Variants in CWC22 observed in about 807,000 individuals in gnomAD.
The protein encoded by CWC22 is pre-mRNA-splicing factor CWC22 homolog.
In CWC22, 53 loss-of-function variants were observed where a neutral mutation model predicts 117.2. That is an observed-to-expected ratio of 0.45 (90% CI 0.36 to 0.57). The LOEUF (loss-of-function observed/expected upper bound fraction) is 0.57. CWC22 is among the 20% of genes least tolerant of loss of function. The pLI is 0.00. For missense variants in CWC22, 980 were observed against 1,068.8 expected (o/e 0.92, Z 1.16); for synonymous variants, 360 against 355.6 (o/e 1.01, Z -0.14).
chr2:179,994,414 A>G (rs1203168511), intron 1 of CWC22, among the ~76,000 whole-genome samples: 1 of 152,186 alleles, frequency 6.6e-6, no homozygotes, highest in African/African-American at 2.4e-5. Context: ...TATTTCAATT[A>G]TAATTATAAT....
At chr2:179,997,778 G>A (rs939556442) in intron 1 of CWC22, among the ~76,000 whole-genome samples, 2 of 152,098 alleles carry the variant, frequency 1.3e-5, no homozygotes, top group African/African-American at 4.8e-5. Context: ...ATGAACTACC[G>A]TAACAAAATC....
intron 13 of CWC22, among the ~76,000 whole-genome samples, chr2:179,963,374 G>C (rs1226031426): frequency 9.4e-6 from 1 of 106,398 alleles, no homozygotes; most frequent in Admixed American, 1.6e-4. Flanking sequence ...ACGGAGTCTC[G>C]CTCTGTCGCC....
Position 179,964,591 on chromosome 2 carries a change from G to C in CWC22, c.1353C>G (p.Asn451Lys). ...AAATTGTACGACGAAATGAGACCAG[G>C]TTAATTTCTGTTTTGTCATGAATAG... ...KVTIHDKTEI[N>K]LVSFRRTIYL... The change falls in exon 13 of 20, where the codon AAC becomes AAG. Residue 451 changes from asparagine to lysine, a missense_variant. By Grantham distance (94) the Asn-to-Lys change is moderately conservative. Coordinates refer to ENST00000410053, the MANE Select transcript of CWC22 (RefSeq NM_020943.3). 1.9e-6 allele frequency: 3 copies of C among 1,566,030 alleles called. No homozygotes were observed. The highest frequency in any genetic ancestry group is 1.2e-5 in the South Asian group (1 of 84,968).
chr2:179,952,483 C>T lies in CWC22; in HGVS notation c.1805G>A (p.Arg602Lys), dbSNP rs748110900. 2 of 1,557,782 alleles carry T rather than the reference C, an allele frequency of 1.3e-6. No homozygotes were observed. Among genetic ancestry groups the T allele is most frequent in the African/African-American group, 1.4e-5 (1 of 72,848 alleles). ...EYMGLPKLNA[R>K]LKDETLQPFF... ...ATGGCAAACTTACTCATCCTTTAAT[C>T]TTGCATTAAGTTTAGGAAGACCCAT... Residue 602 changes from arginine to lysine, a missense_variant, in exon 17 of 20, where the codon AGA becomes AAA. By Grantham distance (26) the Arg-to-Lys change is conservative. Around this residue, in one of 3 missense-constraint regions of CWC22, gnomAD observed 115 missense variants for 169.8 expected, o/e 0.68. Coordinates refer to ENST00000410053, the MANE Select transcript of CWC22 (RefSeq NM_020943.3).
intron 1 of CWC22, among the ~76,000 whole-genome samples, chr2:180,000,172 G>GAT (rs1454223909): frequency 1.3e-5 from 2 of 152,252 alleles, no homozygotes; most frequent in Admixed American, 6.5e-5. Flanking sequence ...ATTGCCTCAT[G>GAT]ATATACCTCA....
At position 179,986,704 on chromosome 2, in the gene CWC22, A is replaced by G; in HGVS notation, c.197T>C (p.Met66Thr). Reference protein sequence around the residue: ...SRRGRSYDSSMESRNRDREKR... With the variant: ...SRRGRSYDSSTESRNRDREKR... The stretch of plus-strand genomic sequence containing the variant: ...AATTCCCAACACTAACCGTGACTCC[A>G]TGCTACTATCATAAGAACGTCCTCT... The change falls in exon 4 of 20, where the codon ATG (methionine) becomes ACG (threonine). Residue 66 changes from methionine (M) to threonine (T), a missense_variant. By Grantham distance (81) the Met-to-Thr change is moderately conservative. Around this residue, in one of 3 missense-constraint regions of CWC22, gnomAD observed 559 missense variants for 602.3 expected, o/e 0.93. Coordinates refer to ENST00000410053, the MANE Select transcript of CWC22 (RefSeq NM_020943.3). The G allele has an allele frequency of 6.3e-7, 1 of 1,576,664 alleles. No homozygotes were observed. Among genetic ancestry groups the G allele is most frequent in the East Asian group, 2.2e-5 (1 of 44,568 alleles).
chr2:180,002,054 T>G (rs1194518026), intron 1 of CWC22, among the ~76,000 whole-genome samples: 3 of 152,172 alleles, frequency 2.0e-5, no homozygotes, highest in African/African-American at 7.2e-5. Context: ...GAAAACAACT[T>G]TTTACTCCAG....
At chr2:180,000,703 A>G (rs2105564873) in intron 1 of CWC22, among the ~76,000 whole-genome samples, 1 of 152,332 alleles carries the variant, frequency 6.6e-6, no homozygotes, top group East Asian at 1.9e-4. Context: ...ACAGTTCTGG[A>G]CATTGTTTTC....
chr2:179,976,166 C>T (rs1687148053), intron 6 of CWC22, among the ~76,000 whole-genome samples: 1 of 152,126 alleles, frequency 6.6e-6, no homozygotes, highest in Non-Finnish European at 1.5e-5. Context: ...ACAGTGTCTT[C>T]AATAAATGGT....
chr2:179,973,928 GGAAA>G (rs1404783480), intron 6 of CWC22, 126 bp from the exon 7 acceptor site: 3 of 466,430 alleles, frequency 6.4e-6, no homozygotes, highest in East Asian at 3.5e-5. Flanking sequence ...AGAACTAACT[GGAAA>G]GAGTTTGTCT....
chr2:179,951,236 A>G (rs983719462), intron 17 of CWC22, among the ~76,000 whole-genome samples: 9 of 152,038 alleles, frequency 5.9e-5, no homozygotes, highest in Non-Finnish European at 1.2e-4. Context: ...TATATAGTGT[A>G]TATATATACA....
chr2:180,002,375 A>T (rs1351496503), intron 1 of CWC22, among the ~76,000 whole-genome samples: 1 of 152,196 alleles, frequency 6.6e-6, no homozygotes, highest in African/African-American at 2.4e-5. Flanking sequence ...GCCATAATTG[A>T]TATTTATATT....
intron 1 of CWC22, among the ~76,000 whole-genome samples, chr2:179,999,320 A>G (rs1687788038): frequency 1.3e-5 from 2 of 152,134 alleles, no homozygotes; most frequent in Non-Finnish European, 2.9e-5. Flanking sequence ...TTTATGGTGA[A>G]TTATTAAATT....
chr2:179,974,053 T>C (rs1395076447), intron 6 of CWC22, among the ~76,000 whole-genome samples: 2 of 152,202 alleles, frequency 1.3e-5, no homozygotes, highest in African/African-American at 2.4e-5. Flanking sequence ...TCTCTACATA[T>C]AATTCCTCTT....
intron 19 of CWC22, 36 bp downstream of exon 19, chr2:179,950,476 A>T: frequency 7.5e-7 from 1 of 1,336,214 alleles, no homozygotes; most frequent in Non-Finnish European, 1.0e-6. Flanking sequence ...TATTTATTAG[A>T]AAAGAGCAAG....
intron 1 of CWC22, among the ~76,000 whole-genome samples, chr2:179,996,831 TAAAAA>T (rs59254022): frequency 6.7e-6 from 1 of 148,712 alleles, no homozygotes; most frequent in South Asian, 2.1e-4. Flanking sequence ...TGTTAAAAGA[TAAAAA>T]AAAAAGTTAA....
chr2:179,960,236 A>T (rs1314681125), intron 13 of CWC22, among the ~76,000 whole-genome samples: 1 of 152,068 alleles, frequency 6.6e-6, no homozygotes, highest in Non-Finnish European at 1.5e-5. Context: ...CCCATATTAC[A>T]GCACAAATCT....
intron 5 of CWC22, among the ~76,000 whole-genome samples, chr2:179,980,256 A>G (rs1397974258): frequency 6.6e-6 from 1 of 152,150 alleles, no homozygotes; most frequent in Non-Finnish European, 1.5e-5. Flanking sequence ...TTCCTTTTCA[A>G]CCTAACACTT....
At position 179,993,363 on chromosome 2, in the gene CWC22, A is replaced by G. The variant is rs766245058; in HGVS notation, c.-22T>C. Reference sequence around the variant, plus strand: ...TCATTTTCTGTTGCCAGTTGGTCCAATAAATCAAAGATGCTTCAAACTGGT... The same window carrying G: ...TCATTTTCTGTTGCCAGTTGGTCCAGTAAATCAAAGATGCTTCAAACTGGT... On this transcript the variant is annotated 5_prime_UTR_variant, in exon 2 of 20. Coordinates refer to ENST00000410053, the MANE Select transcript of CWC22 (RefSeq NM_020943.3). 1.2e-5 allele frequency: 18 copies of G among 1,555,678 alleles called. No homozygotes were observed. Among genetic ancestry groups the G allele is most frequent in the African/African-American group, 4.1e-5 (3 of 73,776 alleles).
Sources: allele counts gnomAD v4.1 joint callset (sites outside exome capture counted in the v4.1 genomes callset), GRCh38; gene constraint gnomAD v4.1.1; regional missense constraint gnomAD v4.1.1; transcripts MANE v1.5; gene names NCBI Gene and HGNC (gene_info 2026-07-23, HGNC 2026-07-21).